Variants in TRPM2 observed in about 807,000 individuals in gnomAD.
TRPM2 encodes transient receptor potential cation channel subfamily M member 2, also known as estrogen-responsive element-associated gene 1 protein.
Under a neutral mutation model 174.0 loss-of-function variants are expected in TRPM2, and 161 were observed. The observed-to-expected ratio is 0.93, with a 90% CI of 0.81 to 1.05. The LOEUF (loss-of-function observed/expected upper bound fraction) is 1.05. Ranked by LOEUF, TRPM2 falls within the 50% of genes least tolerant of loss-of-function variation. TRPM2 has a pLI of 0.00. For synonymous variants in TRPM2, 954 were observed against 861.3 expected (o/e 1.11, Z -1.88); for missense variants, 2,057 against 2,038.0 (o/e 1.01, Z -0.18).
intron 14 of TRPM2, 77 bp from the exon 15 acceptor site, chr21:44,400,182 C>A: frequency 7.8e-7 from 1 of 1,276,122 alleles, no homozygotes; most frequent in African/African-American, 1.5e-5. Flanking sequence ...CACCCCGAGT[C>A]CTCAGCAGAC....
rs760545303 is a variant in TRPM2 at position 44,418,065 on chromosome 21, G to A, written c.3285G>A (p.Lys1095=). The change falls in exon 21 of 32, where the codon AAG becomes AAA. Residue 1095 remains lysine (K), a synonymous_variant. Transcript: ENST00000397928. ...ILLSHLQLFI[K]RVVLKTPAKR... is the part of the protein sequence containing the mutation. ...TCAGCCACCTGCAGCTCTTCATCAA[G>A]AGGGTGGTCCTGAAGACTCCGGCCA... 3.1e-6 allele frequency: 5 copies of A among 1,613,132 alleles called. No homozygotes were observed. The highest frequency in any genetic ancestry group is 4.2e-6 in the Non-Finnish European group (5 of 1,180,002).
At position 44,405,625 on chromosome 21, in the gene TRPM2, G is replaced by A. The variant is rs541523976; in HGVS notation, c.2658-280G>A. ...GATGCTCTCGTGTCTCTGCGAGGCC[G>A]CGGCCCCCTTTCTCGGAGGCAATAG... On this transcript the variant is annotated intron_variant, in intron 17 of 31. Coordinates refer to ENST00000397928, the MANE Select transcript of TRPM2 (RefSeq NM_003307.4). 6.6e-5 allele frequency among the ~76,000 whole-genome samples: 10 copies of A among 152,266 alleles called. No individual in the cohort carries two copies. In the South Asian group the frequency reaches 8.3e-4, roughly 13 times the overall value.
At chr21:44,433,794 C>T (rs1320144009) in intron 27 of TRPM2, among the ~76,000 whole-genome samples, 1 of 152,210 alleles carries the variant, frequency 6.6e-6, no homozygotes, top group Admixed American at 6.5e-5. Context: ...CAGGTGGGCC[C>T]TACACACTGG....
chr21:44,382,221 T>C lies in TRPM2; in HGVS notation c.1216-497T>C, dbSNP rs373691012. Among the ~76,000 whole-genome samples, 5 of 152,066 alleles carry C rather than the reference T, an allele frequency of 3.3e-5. No homozygotes were observed. In the East Asian group the frequency reaches 5.8e-4, roughly 18 times the overall value. On this transcript the variant is annotated intron_variant, in intron 8 of 31. Coordinates refer to ENST00000397928, the MANE Select transcript of TRPM2 (RefSeq NM_003307.4). The stretch of plus-strand genomic sequence containing the variant: ...TAGATGAAACACACACATGGATGGA[T>C]AGATAGATTTATAGATGGATAGATT...
chr21:44,405,256 T>G lies in TRPM2; in HGVS notation c.2653T>G (p.Cys885Gly). 6.2e-7 allele frequency: 1 copy of G among 1,612,714 alleles called. No homozygotes were observed. Among genetic ancestry groups the G allele is most frequent in the Non-Finnish European group, 8.5e-7 (1 of 1,179,880 alleles). Residue 885 changes from cysteine to glycine, a missense_variant, in exon 17 of 32, where the codon TGC becomes GGC. Cys to Gly is a radical substitution (Grantham distance 159, BLOSUM62 -3). Coordinates refer to ENST00000397928, the MANE Select transcript of TRPM2 (RefSeq NM_003307.4). ...CTTGCTCTTCGTGGCAGGGCTGACCTGCAGGTGAGTGGCCTCACCCCGATG... is the reference window on the plus strand; with the variant it reads ...CTTGCTCTTCGTGGCAGGGCTGACCGGCAGGTGAGTGGCCTCACCCCGATG... The part of the protein sequence containing the change: ...AILLFVAGLT[C>G]RLIPATLYPG...
At chr21:44,407,093 CAGAAATAA>C (rs2049919219) in intron 19 of TRPM2, among the ~76,000 whole-genome samples, 1 of 142,860 alleles carries the variant, frequency 7.0e-6, no homozygotes, top group African/African-American at 2.6e-5. Context: ...TCACCTCAAT[CAGAAATAA>C]CTTCCTTCTT....
Position 44,391,064 on chromosome 21 carries a change from G to A in TRPM2, c.1440+39G>A. On this transcript the variant is annotated intron_variant, in intron 10 of 31. Coordinates refer to ENST00000397928, the MANE Select transcript of TRPM2 (RefSeq NM_003307.4). The surrounding 1 kb of genome is among the most constrained non-coding windows in gnomAD (Gnocchi z 5.0). ...AGCACCCCGTGGAGGGGCCTACTGGGCCCACATGCATTGCACCACTGAAGC... is the reference window on the plus strand; with the variant it reads ...AGCACCCCGTGGAGGGGCCTACTGGACCCACATGCATTGCACCACTGAAGC... 5.0e-6 allele frequency: 8 copies of A among 1,612,620 alleles called. No homozygotes were observed. The highest frequency in any genetic ancestry group is 6.8e-6 in the Non-Finnish European group (8 of 1,179,508).
At chr21:44,403,937 TAC>T (rs1254725351) in intron 16 of TRPM2, among the ~76,000 whole-genome samples, 2 of 136,068 alleles carry the variant, frequency 1.5e-5, no homozygotes, top group African/African-American at 5.9e-5. Flanking sequence ...GTACACAATA[TAC>T]ACATACACAT....
rs768102132 is a variant in TRPM2, at chr21:44,435,165, G to T, written c.4009G>T (p.Gly1337Trp). 2.5e-6 allele frequency: 4 copies of T among 1,613,300 alleles called. No homozygotes were observed. The African/African-American group carries it at 5.3e-5, about 22-fold the overall frequency. The change falls in exon 28 of 32, where the codon GGG (glycine) becomes TGG (tryptophan). Residue 1337 changes from glycine (G) to tryptophan (W), a missense_variant. Transcript: ENST00000397928. ...GGGCCGCACAGGACTGCGTGGGCGC[G>T]GGAGCCTCAGCTGCTTCGGACCCAA... ...PMGRTGLRGRGSLSCFGPNHT... is the reference protein window; with the variant it reads ...PMGRTGLRGRWSLSCFGPNHT...
At chr21:44,414,735 G>A (rs1356272232) in intron 20 of TRPM2, 5 of 152,280 alleles carry the variant, frequency 3.3e-5, no homozygotes, top group African/African-American at 1.2e-4. Context: ...TAAGTGGCTG[G>A]TGGAAGAAAA....
chr21:44,428,550 CCCCTTAGGTGTGGCTCCT>C (rs1454261524), intron 27 of TRPM2, among the ~76,000 whole-genome samples: 1 of 141,750 alleles, frequency 7.1e-6, no homozygotes, highest in African/African-American at 2.7e-5. Context: ...TGTGACTCCT[CCCCTTAGGTGTGGCTCCT>C]CCCTGAGGTG....
chr21:44,425,997 G>A (rs1318214061), intron 25 of TRPM2, among the ~76,000 whole-genome samples, 170 bp downstream of exon 25: 1 of 152,184 alleles, frequency 6.6e-6, no homozygotes, highest in East Asian at 1.9e-4. Context: ...CCGAGGCACA[G>A]AGAAGTCAAG....
At chr21:44,353,908 G>A (rs772812325) in intron 1 of TRPM2, 43 bp downstream of exon 1, 6 of 1,580,676 alleles carry the variant, frequency 3.8e-6, no homozygotes, top group East Asian at 2.4e-5. Context: ...ACGTGGCCAC[G>A]GAGGTCACCG....
In TRPM2 at chr21:44,376,962, G is replaced by A. The variant is rs1026694291; in HGVS notation, c.953-750G>A. Among the ~76,000 whole-genome samples, 13 of 151,532 alleles carry A rather than the reference G, an allele frequency of 8.6e-5. No individual in the cohort carries two copies. Among genetic ancestry groups the A allele is most frequent in the African/African-American group, 2.7e-4 (11 of 41,276 alleles). ...TTTGAGAACCCTGCTTGACTAGTAG[G>A]AGCACGTTCCCTGGTGAGGACGATG... On this transcript the variant is annotated intron_variant, in intron 6 of 31. Coordinates refer to ENST00000397928, the MANE Select transcript of TRPM2 (RefSeq NM_003307.4). The surrounding 1 kb of genome is among the most constrained non-coding windows in gnomAD (Gnocchi z 4.2).
chr21:44,421,611 A>G (rs1170217232), intron 22 of TRPM2, among the ~76,000 whole-genome samples: 1 of 152,000 alleles, frequency 6.6e-6, no homozygotes, highest in East Asian at 1.9e-4. Context: ...ATCTCTACAA[A>G]AAATAAAAAT....
At chr21:44,408,651 G>GC (rs1218131414) in intron 19 of TRPM2, among the ~76,000 whole-genome samples, 1 of 121,132 alleles carries the variant, frequency 8.3e-6, no homozygotes, top group African/African-American at 3.1e-5. Flanking sequence ...CCTCTCCTTT[G>GC]CCCTTTTTTT....
In TRPM2 at chr21:44,399,980, TC is replaced by T. The variant is rs2049560396; in HGVS notation, c.2209-274del. Among the ~76,000 whole-genome samples, 1 of 152,034 alleles carries T rather than the reference TC, an allele frequency of 6.6e-6. No homozygotes were observed. Among genetic ancestry groups the T allele is most frequent in the Non-Finnish European group, 1.5e-5 (1 of 67,978 alleles). On this transcript the variant is annotated intron_variant, in intron 14 of 31. Transcript: ENST00000397928. The surrounding 1 kb of genome is among the most constrained non-coding windows in gnomAD (Gnocchi z 4.6). The stretch of plus-strand genomic sequence containing the variant: ...TAGGGAGGCCTGGGGAAGGGTCCTG[TC>T]CCCCACTGCAGAGCTCAGAGGGGCC...
intron 19 of TRPM2, among the ~76,000 whole-genome samples, chr21:44,413,082 T>TA (rs916559699): frequency 6.6e-6 from 1 of 152,068 alleles, no homozygotes; most frequent in Non-Finnish European, 1.5e-5. Flanking sequence ...CAATAGCCCT[T>TA]ACTTTCTATG....
rs530123792 is a variant in TRPM2 at position 44,426,716 on chromosome 21, C to T, written c.3852C>T (p.Ala1284=). ...PFYTAERKDA[A]AMDPMGDTLE... Reference sequence around the variant, plus strand: ...ACACGGCAGAGAGGAAGGACGCGGCCGCCATGGACCCCATGGGAGAGTGAG... The same window carrying T: ...ACACGGCAGAGAGGAAGGACGCGGCTGCCATGGACCCCATGGGAGAGTGAG... The change falls in exon 26 of 32, where the codon GCC becomes GCT. Residue 1284 remains alanine, a synonymous_variant. Transcript: ENST00000397928. The T allele has an allele frequency of 9.9e-6, 16 of 1,614,082 alleles. No individual in the cohort carries two copies. The East Asian group carries it at 2.2e-4, about 22-fold the overall frequency.
Sources: allele counts gnomAD v4.1 joint callset (sites outside exome capture counted in the v4.1 genomes callset), GRCh38; gene constraint gnomAD v4.1.1; non-coding constraint Gnocchi (gnomAD v3.1); transcripts MANE v1.5; gene names NCBI Gene and HGNC (gene_info 2026-07-23, HGNC 2026-07-21).